The following OSTF1 variants were observed in gnomAD, a reference collection of about 807,000 sequenced individuals.
OSTF1 encodes osteoclast-stimulating factor 1.
A neutral mutation model predicts 37.2 loss-of-function variants in OSTF1; 27 were observed. That is an observed-to-expected ratio of 0.73 (90% CI 0.54 to 1.00). The LOEUF (loss-of-function observed/expected upper bound fraction) is 1.00. Ranked by LOEUF, OSTF1 falls within the 50% of genes least tolerant of loss-of-function variation. OSTF1 has a pLI of 0.00. For synonymous variants in OSTF1, 82 were observed against 89.2 expected (o/e 0.92, Z 0.46); for missense variants, 232 against 253.8 (o/e 0.91, Z 0.58).
intron 1 of OSTF1, among the ~76,000 whole-genome samples, chr9:75,100,471 T>C (rs1228959755): frequency 6.6e-6 from 1 of 152,174 alleles, no homozygotes; most frequent in African/African-American, 2.4e-5. Flanking sequence ...GGCTCACGCC[T>C]GTAATCCCAA....
intron 8 of OSTF1, among the ~76,000 whole-genome samples, chr9:75,138,435 T>C (rs1190526007): frequency 6.6e-6 from 1 of 152,208 alleles, no homozygotes; most frequent in Non-Finnish European, 1.5e-5. Flanking sequence ...ATGCCTAATA[T>C]GGCAGCCACT....
chr9:75,128,387 T>TTTTTGTCC (rs1439910491), intron 3 of OSTF1, among the ~76,000 whole-genome samples: 1,173 of 91,690 alleles, frequency 0.013, 231 homozygotes, highest in Non-Finnish European at 0.015. Flanking sequence ...TATATATATA[T>TTTTTGTCC]ATATATATAT....
At chr9:75,124,444 C>T (rs1429896407) in intron 2 of OSTF1, among the ~76,000 whole-genome samples, 2 of 152,192 alleles carry the variant, frequency 1.3e-5, no homozygotes, top group Non-Finnish European at 2.9e-5. Context: ...TTCCCAGCCT[C>T]TGGTAGCCAT....
chr9:75,090,292 CAGGTGTGT>C (rs747799104), intron 1 of OSTF1, among the ~76,000 whole-genome samples: 10 of 122,258 alleles, frequency 8.2e-5, no homozygotes, highest in Non-Finnish European at 1.2e-4. Context: ...GGGACATTGA[CAGGTGTGT>C]GTGTGTGTGT....
chr9:75,123,895 T>TG (rs1398385618), intron 2 of OSTF1, among the ~76,000 whole-genome samples: 1 of 152,220 alleles, frequency 6.6e-6, no homozygotes, highest in Non-Finnish European at 1.5e-5. Flanking sequence ...TCTGACCTAA[T>TG]GGGTGGCTTG....
chr9:75,140,809 A>T, intron 8 of OSTF1, 25 bp from the exon 9 acceptor site: 2 of 1,562,576 alleles, frequency 1.3e-6, no homozygotes, highest in Non-Finnish European at 1.8e-6. Flanking sequence ...AAAGACACCT[A>T]ATTGACTTTT....
At chr9:75,118,961 A>G (rs940557059) in intron 2 of OSTF1, among the ~76,000 whole-genome samples, 1 of 152,286 alleles carries the variant, frequency 6.6e-6, no homozygotes, top group South Asian at 2.1e-4. Flanking sequence ...CATATATGCT[A>G]GGGACCAGAG....
At chr9:75,146,262 CTT>C (rs1169981076) in intron 9 of OSTF1, among the ~76,000 whole-genome samples, 1 of 152,210 alleles carries the variant, frequency 6.6e-6, no homozygotes, top group Non-Finnish European at 1.5e-5. Context: ...TGTTTTCATT[CTT>C]TCTTTTCCTT....
chr9:75,088,834 G>A, intron 1 of OSTF1, 108 bp downstream of exon 1: 5 of 1,125,686 alleles, frequency 4.4e-6, no homozygotes, highest in Admixed American at 2.1e-5. Flanking sequence ...CCCCGAGCCT[G>A]GCTTCCGAGA....
chr9:75,115,960 T>G (rs1052462585), intron 1 of OSTF1, among the ~76,000 whole-genome samples: 1 of 151,892 alleles, frequency 6.6e-6, no homozygotes, highest in Non-Finnish European at 1.5e-5. Context: ...AAAAATTAGC[T>G]GGGTATGGTG....
At chr9:75,141,292 A>G (rs1288184752) in intron 9 of OSTF1, among the ~76,000 whole-genome samples, 1 of 126,700 alleles carries the variant, frequency 7.9e-6, no homozygotes, top group Non-Finnish European at 1.7e-5. Context: ...GAGCAAGACC[A>G]TATCTCAAAA....
chr9:75,143,025 C>T (rs931982826), intron 9 of OSTF1, among the ~76,000 whole-genome samples: 20 of 151,616 alleles, frequency 1.3e-4, no homozygotes, highest in African/African-American at 3.1e-4. Context: ...CTGCAACCTC[C>T]GCCTCCCGGG....
At chr9:75,106,333 C>T (rs1825283323) in intron 1 of OSTF1, among the ~76,000 whole-genome samples, 1 of 152,164 alleles carries the variant, frequency 6.6e-6, no homozygotes, top group Non-Finnish European at 1.5e-5. Flanking sequence ...TATAGCCTCT[C>T]TTTTTATTTT....
intron 6 of OSTF1, 36 bp downstream of exon 6, chr9:75,133,437 C>A: frequency 2.4e-6 from 3 of 1,262,514 alleles, no homozygotes; most frequent in African/African-American, 1.5e-5. Context: ...TTCTATGCTG[C>A]TGAAAATGTG....
intron 2 of OSTF1, among the ~76,000 whole-genome samples, chr9:75,121,398 T>G (rs570327599): frequency 2.0e-5 from 3 of 152,372 alleles, no homozygotes; most frequent in South Asian, 4.1e-4. Context: ...AGAATATACA[T>G]TTAATTCTTT....
chr9:75,139,409 A>C (rs192895438), intron 8 of OSTF1, among the ~76,000 whole-genome samples: 6 of 152,074 alleles, frequency 3.9e-5, no homozygotes, highest in African/African-American at 1.4e-4. Flanking sequence ...GAAAGTATGA[A>C]CTGACAAAGC....
In OSTF1 at chr9:75,127,629, G is replaced by A. The variant is rs527794549; in HGVS notation, c.132+10G>A. 8 of 1,480,164 alleles carry A rather than the reference G, an allele frequency of 5.4e-6. No individual in the cohort carries two copies. The South Asian group carries it at 9.6e-5, about 18-fold the overall frequency. 91.7% of individuals were successfully genotyped at this position (1,480,164 alleles called of 1,614,324 possible). ...CTACATTACTGACATGGTAAGTCCAGATAACATCTTGTAATACCACATATA... is the reference window on the plus strand; with the variant it reads ...CTACATTACTGACATGGTAAGTCCAAATAACATCTTGTAATACCACATATA... On this transcript the variant is annotated intron_variant, in intron 3 of 9. Transcript: ENST00000346234.
intron 1 of OSTF1, 115 bp from the exon 2 acceptor site, chr9:75,117,389 C>T: frequency 1.0e-5 from 7 of 696,596 alleles, no homozygotes; most frequent in Non-Finnish European, 1.8e-5. Flanking sequence ...ATCCTCTGTT[C>T]TACTTGATCA....
chr9:75,145,833 C>T (rs542853064), intron 9 of OSTF1, among the ~76,000 whole-genome samples: 106 of 152,272 alleles, frequency 7.0e-4, no homozygotes, highest in African/African-American at 2.0e-3. Flanking sequence ...GACCCTTTCA[C>T]GTGATGCTGT....
Sources: allele counts gnomAD v4.1 joint callset (sites outside exome capture counted in the v4.1 genomes callset), GRCh38; gene constraint gnomAD v4.1.1; transcripts MANE v1.5; gene names NCBI Gene and HGNC (gene_info 2026-07-23, HGNC 2026-07-21).